Variants in EYS observed in about 807,000 individuals in gnomAD.
EYS encodes protein eyes shut homolog.
In EYS, 250 loss-of-function variants were observed where a neutral mutation model predicts 282.1. The observed-to-expected ratio is 0.89, with a 90% CI of 0.80 to 0.98. The LOEUF (loss-of-function observed/expected upper bound fraction) is 0.98. Among genes scored for constraint, EYS ranks in the 50% least tolerant of loss-of-function variants. The pLI is 0.00. For synonymous variants in EYS, 1,355 were observed against 1,282.9 expected (o/e 1.06, Z -1.20); for missense variants, 4,016 against 3,709.0 (o/e 1.08, Z -2.15).
chr6:63,849,665 C>T (rs1379212376), intron 36 of EYS, among the ~76,000 whole-genome samples: 1 of 152,134 alleles, frequency 6.6e-6, no homozygotes, highest in Non-Finnish European at 1.5e-5. Flanking sequence ...AAAACCCCAT[C>T]CAAAGGTCAA....
chr6:65,558,436 G>A (rs953720606), intron 2 of EYS, among the ~76,000 whole-genome samples: 1 of 152,200 alleles, frequency 6.6e-6, no homozygotes, highest in Non-Finnish European at 1.5e-5. Flanking sequence ...AGGCACTTAC[G>A]AACCTGCAGG....
intron 22 of EYS, among the ~76,000 whole-genome samples, chr6:64,748,759 A>T (rs150443992): frequency 0.011 from 1,699 of 152,284 alleles, 34 homozygotes; most frequent in African/African-American, 0.038. Flanking sequence ...GTCACATACT[A>T]TTTAAAATTT....
At chr6:64,002,836 C>T (rs1449727162) in intron 33 of EYS, among the ~76,000 whole-genome samples, 1 of 152,126 alleles carries the variant, frequency 6.6e-6, no homozygotes, top group African/African-American at 2.4e-5. Context: ...CTGCGCCTGG[C>T]CTGAGGATGA....
intron 35 of EYS, among the ~76,000 whole-genome samples, chr6:63,869,349 T>G (rs912918527): frequency 6.6e-6 from 1 of 152,142 alleles, no homozygotes; most frequent in African/African-American, 2.4e-5. Flanking sequence ...TCTCTCGCCT[T>G]CTCTCTTCCC....
rs530530034 is a variant in EYS, at chr6:65,028,029, A to G, written c.2137+29585T>C. ...TTACTATCCTGCATTCCCATCATCA[A>G]TGACTACACTTTGAGTTCTTCTGCA... On this transcript the variant is annotated intron_variant, in intron 13 of 42. Coordinates refer to ENST00000503581, the MANE Select transcript of EYS (RefSeq NM_001142800.2). 3.3e-5 allele frequency among the ~76,000 whole-genome samples: 5 copies of G among 152,228 alleles called. No homozygotes were observed. In the East Asian group the frequency reaches 9.7e-4, roughly 29 times the overall value.
At chr6:64,435,735 C>T (rs1420303289) in intron 28 of EYS, among the ~76,000 whole-genome samples, 2 of 151,762 alleles carry the variant, frequency 1.3e-5, no homozygotes, top group African/African-American at 4.8e-5. Flanking sequence ...ATAGGGTCAC[C>T]TTAAAACATA....
chr6:64,405,240 C>A lies in EYS; in HGVS notation c.5928-16400G>T, dbSNP rs1582710893. On this transcript the variant is annotated intron_variant, in intron 28 of 42. Transcript: ENST00000503581. Reference sequence around the variant, plus strand: ...AAATGTATATCTTAATTAACCCATCCTTTCATTGTCAAATAGGAGACTTGG... The same window carrying A: ...AAATGTATATCTTAATTAACCCATCATTTCATTGTCAAATAGGAGACTTGG... Among the ~76,000 whole-genome samples, 4 of 152,166 alleles carry A rather than the reference C, an allele frequency of 2.6e-5. No individual in the cohort carries two copies. The East Asian group carries it at 7.7e-4, about 29-fold the overall frequency.
At chr6:65,209,046 T>G (rs1325342533) in intron 12 of EYS, among the ~76,000 whole-genome samples, 1 of 151,912 alleles carries the variant, frequency 6.6e-6, no homozygotes, top group Non-Finnish European at 1.5e-5. Context: ...AATCTACAAC[T>G]AATTTGATGT....
chr6:65,379,004 G>T (rs1306026276), intron 8 of EYS, among the ~76,000 whole-genome samples: 2 of 151,594 alleles, frequency 1.3e-5, no homozygotes, highest in East Asian at 1.9e-4. Context: ...TGCACATTCT[G>T]CACATGTACC....
intron 36 of EYS, among the ~76,000 whole-genome samples, chr6:63,856,063 T>C (rs1170742805): frequency 1.3e-5 from 2 of 150,950 alleles, no homozygotes; most frequent in Non-Finnish European, 1.5e-5. Context: ...GTGCCTTCCG[T>C]TGCTTGCTAA....
At chr6:65,290,854 CATCTT>C (rs1768505590) in intron 12 of EYS, among the ~76,000 whole-genome samples, 1 of 151,234 alleles carries the variant, frequency 6.6e-6, no homozygotes, top group Admixed American at 6.6e-5. Context: ...GAAATGATAT[CATCTT>C]ATTTATCATC....
intron 31 of EYS, among the ~76,000 whole-genome samples, chr6:64,134,045 T>A (rs1336092356): frequency 2.0e-5 from 3 of 151,978 alleles, no homozygotes; most frequent in African/African-American, 7.2e-5. Context: ...GTGCTGTGGA[T>A]GTCAGTTATA....
chr6:65,513,011 T>G lies in EYS; in HGVS notation c.-332-17018A>C, dbSNP rs188315030. On this transcript the variant is annotated intron_variant, in intron 2 of 42. Transcript: ENST00000503581. ...TTAATGAATCCACAAGCTGGTTTTT[T>G]GAAAGGATCAACAAAATTGATAGAC... is the stretch of plus-strand genomic sequence containing the variant. Among the ~76,000 whole-genome samples, 417 of 152,218 alleles carry G rather than the reference T, an allele frequency of 2.7e-3. 5 individuals carry two copies. Among genetic ancestry groups the G allele is most frequent in the African/African-American group, 9.1e-3 (380 of 41,534 alleles).
At chr6:65,123,146 T>C (rs777871218) in intron 12 of EYS, among the ~76,000 whole-genome samples, 27 of 152,138 alleles carry the variant, frequency 1.8e-4, no homozygotes, top group Non-Finnish European at 3.2e-4. Flanking sequence ...GTAAACATCC[T>C]TTCTTCGACT....
At position 64,407,448 on chromosome 6, in the gene EYS, T is replaced by C. The variant is rs115706422; in HGVS notation, c.5928-18608A>G. On this transcript the variant is annotated intron_variant, in intron 28 of 42. Coordinates refer to ENST00000503581, the MANE Select transcript of EYS (RefSeq NM_001142800.2). ...TGTACCCCAGAACTTAAAGTATAAT[T>C]TAAAAAAGGAATAAAAAGGGTTCAT... Among the ~76,000 whole-genome samples, 1,116 of 151,972 alleles carry C rather than the reference T, an allele frequency of 7.3e-3. 9 individuals are homozygous for C. Among genetic ancestry groups the C allele is most frequent in the African/African-American group, 0.026 (1,071 of 41,452 alleles).
At chr6:65,234,734 C>T (rs1399422330) in intron 12 of EYS, among the ~76,000 whole-genome samples, 1 of 152,134 alleles carries the variant, frequency 6.6e-6, no homozygotes, top group Non-Finnish European at 1.5e-5. Flanking sequence ...TGTCAGTTAG[C>T]AGGCATAAAT....
At chr6:63,830,749 C>T (rs1489346355) in intron 36 of EYS, among the ~76,000 whole-genome samples, 1 of 152,124 alleles carries the variant, frequency 6.6e-6, no homozygotes, top group Non-Finnish European at 1.5e-5. Context: ...AGAGCAACTC[C>T]AAGACACATA....
intron 30 of EYS, among the ~76,000 whole-genome samples, chr6:64,304,538 ATTAAAT>A: frequency 6.7e-6 from 1 of 150,326 alleles, no homozygotes; most frequent in Non-Finnish European, 1.5e-5. Context: ...TAGGCCACAA[ATTAAAT>A]CTCAATAGAT....
At chr6:65,186,148 A>C (rs1765512550) in intron 12 of EYS, among the ~76,000 whole-genome samples, 1 of 151,704 alleles carries the variant, frequency 6.6e-6, no homozygotes, top group Admixed American at 6.6e-5. Flanking sequence ...TTCACTGATT[A>C]TTGGGGATAT....
Sources: gnomAD v4.1 joint callset for allele counts (sites outside exome capture counted in the v4.1 genomes callset) on GRCh38, gnomAD v4.1.1 for gene constraint, MANE v1.5 for transcripts, NCBI Gene and HGNC (gene_info 2026-07-23, HGNC 2026-07-21) for gene names.